CNTN4: variants seen among roughly 807,000 people sequenced by gnomAD.
CNTN4 encodes the protein contactin-4.
A neutral mutation model predicts 122.5 loss-of-function variants in CNTN4; 77 were observed. The ratio of observed to expected loss-of-function variants is 0.63; its 90% confidence interval spans 0.52 to 0.76. The LOEUF is 0.76. Among genes scored for constraint, CNTN4 ranks in the 30% least tolerant of loss-of-function variants. The pLI is 0.00. For missense variants in CNTN4, 1,256 were observed against 1,259.1 expected, an observed-to-expected ratio of 1.00 and a Z score of 0.04; for synonymous variants, 512 against 447.0, an observed-to-expected ratio of 1.15 and a Z score of -1.83.
At chr3:2,501,849 A>G (rs1025888709) in intron 3 of CNTN4, among the ~76,000 whole-genome samples, 1 of 152,132 alleles carries the variant, frequency 6.6e-6, no homozygotes, top group African/African-American at 2.4e-5. Flanking sequence ...CCTAGATTCC[A>G]CCATTTAAGC....
intron 10 of CNTN4, among the ~76,000 whole-genome samples, chr3:2,900,162 T>C (rs1336174099): frequency 1.3e-5 from 2 of 152,226 alleles, no homozygotes; most frequent in Non-Finnish European, 2.9e-5. Context: ...TTGCTGGTCT[T>C]TTCCAATCAG....
In CNTN4 at chr3:2,988,771, AG is replaced by A. The variant is rs377026187; in HGVS notation, c.1486+300del. 7.9e-4 allele frequency: 272 copies of A among 343,224 alleles called. 4 individuals carry two copies. The highest frequency in any genetic ancestry group is 5.4e-3 in the African/African-American group (260 of 48,008). 21.3% of individuals were successfully genotyped at this position (343,224 alleles called of 1,614,324 possible). On this transcript the variant is annotated intron_variant, in intron 14 of 24. Coordinates refer to ENST00000418658, the MANE Select transcript of CNTN4 (RefSeq NM_175607.3). ...CAATCCTTTAATTAAATTTCTTTCAAGTCTCTATAGATTTGAAATTCATGTC... is the reference window on the plus strand; with the variant it reads ...CAATCCTTTAATTAAATTTCTTTCAATCTCTATAGATTTGAAATTCATGTC...
chr3:2,106,823 T>A (rs933374691), intron 2 of CNTN4, among the ~76,000 whole-genome samples: 1 of 152,250 alleles, frequency 6.6e-6, no homozygotes, highest in Admixed American at 6.5e-5. Flanking sequence ...TGCAAATTTT[T>A]CAAACCTTTT....
At chr3:2,289,555 C>T (rs1195881124) in intron 2 of CNTN4, among the ~76,000 whole-genome samples, 1 of 152,140 alleles carries the variant, frequency 6.6e-6, no homozygotes, top group Non-Finnish European at 1.5e-5. Flanking sequence ...TGCTTTAAGT[C>T]AGCATTTATT....
At chr3:2,755,986 T>G (rs2090319165) in intron 6 of CNTN4, among the ~76,000 whole-genome samples, 1 of 152,214 alleles carries the variant, frequency 6.6e-6, no homozygotes, top group South Asian at 2.1e-4. Flanking sequence ...AGTTTAATTT[T>G]TAGGCACTGA....
At chr3:2,891,375 A>C (rs748363280) in intron 10 of CNTN4, among the ~76,000 whole-genome samples, 1 of 152,148 alleles carries the variant, frequency 6.6e-6, no homozygotes, top group Non-Finnish European at 1.5e-5. Context: ...TGAACCCAGG[A>C]GGCGGAGGTT....
chr3:2,869,643 A>T (rs997763894), intron 8 of CNTN4, among the ~76,000 whole-genome samples: 1 of 152,296 alleles, frequency 6.6e-6, no homozygotes, highest in South Asian at 2.1e-4. Flanking sequence ...CTATAATAAC[A>T]TTCATCTGGT....
chr3:2,563,921 A>G (rs1468551398), intron 3 of CNTN4, among the ~76,000 whole-genome samples: 1 of 146,788 alleles, frequency 6.8e-6, no homozygotes, highest in Non-Finnish European at 1.5e-5. Flanking sequence ...AAGTACTATA[A>G]AAAAAAAAAG....
intron 4 of CNTN4, among the ~76,000 whole-genome samples, chr3:2,602,852 G>A (rs1369840250): frequency 6.6e-6 from 1 of 152,190 alleles, no homozygotes; most frequent in Non-Finnish European, 1.5e-5. Context: ...CACTGAATGT[G>A]CTTTCTTAAG....
In CNTN4 at chr3:2,656,669, G is replaced by A. The variant is rs769897300; in HGVS notation, c.56-79546G>A. Among the ~76,000 whole-genome samples the A allele has an allele frequency of 2.2e-4, 33 of 152,196 alleles. 1 individual carries two copies. Among genetic ancestry groups the A allele is most frequent in the Admixed American group, 1.1e-3 (17 of 15,280 alleles). ...TGAGAGGTCAAGTCTCAAAAGGGAG[G>A]TCTAAGCTAATTAATTTTCTGAATG... is the stretch of plus-strand genomic sequence containing the variant. On this transcript the variant is annotated intron_variant, in intron 4 of 24. Transcript: ENST00000418658.
At chr3:3,040,300 CTG>C (rs747046184) in intron 20 of CNTN4, 29 bp downstream of exon 20, 4 of 1,481,852 alleles carry the variant, frequency 2.7e-6, no homozygotes, top group Non-Finnish European at 2.8e-6. Flanking sequence ...AGATCATTGA[CTG>C]TTAATATTTC....
Position 2,966,119 on chromosome 3 carries a change from G to C in CNTN4, c.1359-22226G>C, listed in dbSNP as rs550478038. Among the ~76,000 whole-genome samples the C allele has an allele frequency of 3.1e-3, 469 of 152,228 alleles. 3 individuals carry two copies. The highest frequency in any genetic ancestry group is 0.012 in the East Asian group (63 of 5,176). ...GAGCACTACTAGCCATTGAATGAAT[G>C]GGAGATGAAAAGAAGGAGAGATGGA... On this transcript the variant is annotated intron_variant, in intron 13 of 24. Transcript: ENST00000418658.
At chr3:2,355,863 C>G (rs2044849286) in intron 3 of CNTN4, among the ~76,000 whole-genome samples, 1 of 152,186 alleles carries the variant, frequency 6.6e-6, no homozygotes, top group Admixed American at 6.5e-5. Flanking sequence ...AAAATACATT[C>G]AGAAAATTGC....
rs543855408 is a variant in CNTN4 at position 2,945,806 on chromosome 3, A to G, written c.1358+20027A>G. The stretch of plus-strand genomic sequence containing the variant: ...CTAAGTTAGTACATGGCCATTGCCT[A>G]GAGGATAGATTTGTGTCAAACCTAA... On this transcript the variant is annotated intron_variant, in intron 13 of 24. Transcript: ENST00000418658. 2.0e-5 allele frequency among the ~76,000 whole-genome samples: 3 copies of G among 152,352 alleles called. No homozygotes were observed. In the South Asian group the frequency reaches 6.2e-4, roughly 32 times the overall value.
chr3:2,665,321 C>T (rs932003867), intron 4 of CNTN4, among the ~76,000 whole-genome samples: 9 of 152,134 alleles, frequency 5.9e-5, no homozygotes, highest in Non-Finnish European at 1.2e-4. Flanking sequence ...TTTTCATGAG[C>T]TTTACTAGTT....
intron 3 of CNTN4, among the ~76,000 whole-genome samples, chr3:2,494,986 A>AT (rs923202810): frequency 3.9e-5 from 6 of 152,078 alleles, no homozygotes; most frequent in Non-Finnish European, 2.9e-5. Flanking sequence ...TTGTATATAC[A>AT]TTTTTTTTCC....
intron 3 of CNTN4, among the ~76,000 whole-genome samples, chr3:2,506,451 T>C (rs1470841523): frequency 6.6e-6 from 1 of 152,230 alleles, no homozygotes; most frequent in Non-Finnish European, 1.5e-5. Context: ...ACCATATAAA[T>C]GCATAGAAGT....
intron 13 of CNTN4, among the ~76,000 whole-genome samples, chr3:2,934,756 A>G (rs1280434353): frequency 6.6e-6 from 1 of 152,234 alleles, no homozygotes; most frequent in Admixed American, 6.5e-5. Flanking sequence ...CAATAATTAG[A>G]GGCAGTTCAT....
intron 24 of CNTN4, 28 bp downstream of exon 24, chr3:3,054,003 C>T: frequency 6.2e-7 from 1 of 1,611,482 alleles, no homozygotes; most frequent in Non-Finnish European, 8.5e-7. Flanking sequence ...TCTCCCTTTT[C>T]TCCTGCCTGT....
Sources: allele counts gnomAD v4.1 joint callset (sites outside exome capture counted in the v4.1 genomes callset), GRCh38; gene constraint gnomAD v4.1.1; transcripts MANE v1.5; gene names NCBI Gene and HGNC (gene_info 2026-07-23, HGNC 2026-07-21).